RPS6KC1: variants seen among roughly 807,000 people sequenced by gnomAD.
RPS6KC1 encodes the protein inactive ribosomal protein S6 kinase delta-1.
A neutral mutation model predicts 103.8 loss-of-function variants in RPS6KC1; 54 were observed. That is an observed-to-expected ratio of 0.52 (90% confidence interval 0.42 to 0.65). The LOEUF is 0.65. RPS6KC1 is among the 30% of genes least tolerant of loss of function. The probability of loss-of-function intolerance (pLI) is 0.00; values close to 1 mark genes in which losing one functional copy is unlikely to be tolerated. For missense variants in RPS6KC1, 1,151 were observed against 1,253.8 expected (o/e 0.92, Z 1.24); for synonymous variants, 439 against 438.7 (o/e 1.00, Z -0.01).
the RPS6KC1 span, among the ~76,000 whole-genome samples, chr1:213,429,668 T>G: frequency 1.3e-5 from 2 of 152,316 alleles, no homozygotes; most frequent in African/African-American, 4.8e-5. Flanking sequence ...TATGATGAAT[T>G]CTAGTCTGAA....
the RPS6KC1 span, among the ~76,000 whole-genome samples, chr1:213,416,428 G>T: frequency 3.9e-5 from 6 of 152,240 alleles, no homozygotes; most frequent in Non-Finnish European, 7.3e-5. Flanking sequence ...AAGCTAGATA[G>T]AGAGTGACCA....
chr1:213,051,645 TG>T, intron 1 of RPS6KC1, 136 bp downstream of exon 1: 3 of 637,146 alleles, frequency 4.7e-6, no homozygotes, highest in Non-Finnish European at 2.8e-6. Context: ...TGGCGGGACT[TG>T]GGTGTCGGAG....
the RPS6KC1 span, among the ~76,000 whole-genome samples, chr1:213,545,608 C>A: frequency 2.6e-5 from 4 of 151,894 alleles, no homozygotes; most frequent in Non-Finnish European, 5.9e-5. Flanking sequence ...TTCATGACCT[C>A]ATTTTAGCTT....
At chr1:213,635,015 A>T in the RPS6KC1 span, among the ~76,000 whole-genome samples, 1 of 152,214 alleles carries the variant, frequency 6.6e-6, no homozygotes, top group Non-Finnish European at 1.5e-5. Context: ...TAAACTAGAA[A>T]ATCTAGAACA....
chr1:213,851,293 C>T, the RPS6KC1 span, among the ~76,000 whole-genome samples: 12 of 152,194 alleles, frequency 7.9e-5, no homozygotes, highest in Non-Finnish European at 1.8e-4. Flanking sequence ...CTCTGTATCA[C>T]CTACCTCTGA....
At chr1:213,445,810 C>G in the RPS6KC1 span, among the ~76,000 whole-genome samples, 1 of 152,154 alleles carries the variant, frequency 6.6e-6, no homozygotes, top group African/African-American at 2.4e-5. Flanking sequence ...GCTAAGTGGC[C>G]GGTTTCTGGC....
At chr1:213,773,175 C>A in the RPS6KC1 span, among the ~76,000 whole-genome samples, 33 of 151,762 alleles carry the variant, frequency 2.2e-4, no homozygotes, top group Admixed American at 1.8e-3. Context: ...TGACTGCAGA[C>A]CCCTGATTTG....
chr1:213,810,865 C>A, the RPS6KC1 span, among the ~76,000 whole-genome samples: 2,327 of 152,300 alleles, frequency 0.015, 24 homozygotes, highest in Non-Finnish European at 0.027. Flanking sequence ...GATATCATCT[C>A]TCATCCCAGC....
chr1:213,720,064 C>A, the RPS6KC1 span, among the ~76,000 whole-genome samples: 1 of 151,936 alleles, frequency 6.6e-6, no homozygotes, highest in Non-Finnish European at 1.5e-5. Flanking sequence ...TTCAATAGAT[C>A]AAAAAAGAAA....
At chr1:213,550,615 G>A in the RPS6KC1 span, among the ~76,000 whole-genome samples, 1 of 152,292 alleles carries the variant, frequency 6.6e-6, no homozygotes, top group East Asian at 1.9e-4. Context: ...AGGACATCTT[G>A]ATGGAATCGC....
At chr1:213,374,083 A>G in the RPS6KC1 span, among the ~76,000 whole-genome samples, 2 of 152,228 alleles carry the variant, frequency 1.3e-5, no homozygotes, top group African/African-American at 2.4e-5. Context: ...AGGATCTTGT[A>G]ATGGTTAAGA....
At chr1:213,654,158 A>T in the RPS6KC1 span, among the ~76,000 whole-genome samples, 6 of 152,086 alleles carry the variant, frequency 3.9e-5, no homozygotes, top group East Asian at 1.2e-3. Flanking sequence ...AGCTCCAAGT[A>T]TTTTTTTTCT....
At chr1:213,387,145 C>CTAGA in the RPS6KC1 span, among the ~76,000 whole-genome samples, 1 of 152,208 alleles carries the variant, frequency 6.6e-6, no homozygotes, top group African/African-American at 2.4e-5. Flanking sequence ...TGAAGAGGAT[C>CTAGA]TAGAGAGTTA....
the RPS6KC1 span, among the ~76,000 whole-genome samples, chr1:213,319,869 C>T: frequency 6.6e-6 from 1 of 152,192 alleles, no homozygotes; most frequent in African/African-American, 2.4e-5. Context: ...CAATTCATGT[C>T]CATTCAGAAC....
the RPS6KC1 span, among the ~76,000 whole-genome samples, chr1:213,476,736 C>A: frequency 6.6e-6 from 1 of 152,108 alleles, no homozygotes; most frequent in Non-Finnish European, 1.5e-5. Flanking sequence ...CTGTTCCTTA[C>A]CCTTTTCTCT....
At chr1:213,561,852 A>G in the RPS6KC1 span, among the ~76,000 whole-genome samples, 2 of 152,302 alleles carry the variant, frequency 1.3e-5, no homozygotes, top group African/African-American at 4.8e-5. Context: ...CTCTACCTGG[A>G]TGTGTCTACC....
the RPS6KC1 span, among the ~76,000 whole-genome samples, chr1:213,317,575 T>C: frequency 6.6e-6 from 1 of 152,072 alleles, no homozygotes; most frequent in Non-Finnish European, 1.5e-5. Flanking sequence ...TACAATCACA[T>C]TAGGGGTGGG....
chr1:213,151,187 C>G (rs1249785002), intron 6 of RPS6KC1, among the ~76,000 whole-genome samples: 12 of 140,408 alleles, frequency 8.5e-5, no homozygotes, highest in African/African-American at 1.3e-4. Context: ...CCCCACCTCC[C>G]TCCCGGATGG....
At chr1:213,853,358 T>A in the RPS6KC1 span, among the ~76,000 whole-genome samples, 3 of 152,302 alleles carry the variant, frequency 2.0e-5, no homozygotes, top group Non-Finnish European at 4.4e-5. Flanking sequence ...GCCTGAGGAA[T>A]CTATAAACAC....
Sources: allele counts gnomAD v4.1 joint callset (sites outside exome capture counted in the v4.1 genomes callset), GRCh38; gene constraint gnomAD v4.1.1; transcripts MANE v1.5; gene names NCBI Gene and HGNC (gene_info 2026-07-23, HGNC 2026-07-21).